The following CRADD variants were observed in gnomAD, a reference collection of about 807,000 sequenced individuals.
CRADD encodes the protein death domain-containing protein CRADD.
In CRADD, 9 loss-of-function variants were observed where a neutral mutation model predicts 15.5. The observed-to-expected ratio is 0.58, with a 90% confidence interval of 0.35 to 1.01. CRADD has a LOEUF of 1.01. Ranked by LOEUF, CRADD falls within the 50% of genes least tolerant of loss-of-function variation. The pLI, the probability that CRADD is intolerant of heterozygous loss-of-function variation, is 0.02. For synonymous variants in CRADD, 118 were observed against 107.6 expected (o/e 1.10, Z -0.60); for missense variants, 227 against 250.3 (o/e 0.91, Z 0.63).
intron 2 of CRADD, among the ~76,000 whole-genome samples, chr12:93,683,971 T>C (rs1406096737): frequency 6.6e-6 from 1 of 152,178 alleles, no homozygotes; most frequent in East Asian, 1.9e-4. Context: ...TCCTGTGTGC[T>C]AGAGTGAGAA....
chr12:93,766,889 A>G (rs1205476414), intron 2 of CRADD, among the ~76,000 whole-genome samples: 1 of 152,232 alleles, frequency 6.6e-6, no homozygotes, highest in Non-Finnish European at 1.5e-5. Flanking sequence ...TGTGTTGATT[A>G]AAGGAATGAA....
chr12:93,860,950 C>T (rs1417883842), intron 2 of CRADD, among the ~76,000 whole-genome samples: 2 of 152,212 alleles, frequency 1.3e-5, no homozygotes, highest in Non-Finnish European at 2.9e-5. Flanking sequence ...TCCTCTCCTC[C>T]CCTCGGAGCG....
intron 2 of CRADD, among the ~76,000 whole-genome samples, chr12:93,880,062 A>T (rs1172539079): frequency 6.6e-6 from 1 of 152,206 alleles, no homozygotes; most frequent in Non-Finnish European, 1.5e-5. Flanking sequence ...AGAATTATTT[A>T]TCCAGTAGGC....
intron 2 of CRADD, among the ~76,000 whole-genome samples, chr12:93,740,348 A>C (rs2136927521): frequency 6.6e-6 from 1 of 152,260 alleles, no homozygotes; most frequent in East Asian, 1.9e-4. Context: ...CATTTCAGTT[A>C]AGTTTGAAGA....
At chr12:93,759,086 T>G (rs1362319705) in intron 2 of CRADD, among the ~76,000 whole-genome samples, 1 of 152,234 alleles carries the variant, frequency 6.6e-6, no homozygotes, top group Admixed American at 6.5e-5. Context: ...AATGTTTTAT[T>G]ACTTTTGAAG....
downstream of CRADD, among the ~76,000 whole-genome samples, chr12:93,853,630 T>A (rs1235628658): frequency 1.3e-5 from 2 of 152,236 alleles, no homozygotes; most frequent in Non-Finnish European, 2.9e-5. Context: ...AAGCAAAGTT[T>A]AGCACAGTCT....
At chr12:93,844,562 C>A (rs1279804985) in intron 2 of CRADD, among the ~76,000 whole-genome samples, 1 of 152,114 alleles carries the variant, frequency 6.6e-6, no homozygotes, top group Non-Finnish European at 1.5e-5. Flanking sequence ...GGCTAAGTGA[C>A]CCTGAAAGTG....
intron 2 of CRADD, among the ~76,000 whole-genome samples, chr12:93,813,523 C>T (rs1957652571): frequency 6.6e-6 from 1 of 152,208 alleles, no homozygotes; most frequent in Non-Finnish European, 1.5e-5. Context: ...CTCACATTCA[C>T]ATTATATGTG....
intron 2 of CRADD, among the ~76,000 whole-genome samples, chr12:93,759,113 A>C (rs1956921867): frequency 6.6e-6 from 1 of 152,210 alleles, no homozygotes; most frequent in Non-Finnish European, 1.5e-5. Flanking sequence ...GGACCAGCAA[A>C]ATAGAGAAGT....
At chr12:93,682,653 A>G (rs977738601) in intron 2 of CRADD, among the ~76,000 whole-genome samples, 1 of 151,920 alleles carries the variant, frequency 6.6e-6, no homozygotes, top group African/African-American at 2.4e-5. Context: ...CTTTTTACTT[A>G]TGTGCTGGAT....
At chr12:93,857,885 G>A (rs1043552914) in intron 2 of CRADD, among the ~76,000 whole-genome samples, 2 of 152,220 alleles carry the variant, frequency 1.3e-5, no homozygotes, top group African/African-American at 4.8e-5. Flanking sequence ...GCACATTGGA[G>A]ATAGTTGATT....
intron 2 of CRADD, among the ~76,000 whole-genome samples, chr12:93,744,641 G>C (rs1956726347): frequency 6.6e-6 from 1 of 152,124 alleles, no homozygotes; most frequent in African/African-American, 2.4e-5. Flanking sequence ...GTACCACTTT[G>C]TTGTGATGGT....
intron 2 of CRADD, among the ~76,000 whole-genome samples, chr12:93,878,416 G>T (rs1958472076): frequency 6.6e-6 from 1 of 152,138 alleles, no homozygotes. Context: ...GAAGGAAGGG[G>T]TATCTTTTGG....
intron 2 of CRADD, among the ~76,000 whole-genome samples, chr12:93,847,743 T>C (rs954860976): frequency 2.0e-5 from 3 of 152,104 alleles, no homozygotes; most frequent in African/African-American, 7.2e-5. Context: ...ATAAAAATTA[T>C]GTAAGTGAAA....
chr12:93,823,319 G>C (rs1957789493), intron 2 of CRADD, among the ~76,000 whole-genome samples: 1 of 151,522 alleles, frequency 6.6e-6, no homozygotes, highest in South Asian at 2.1e-4. Context: ...AAAAAGAAGA[G>C]GAAGAAGAAT....
chr12:93,892,468 T>G (rs1274126098), intron 2 of CRADD, among the ~76,000 whole-genome samples: 1 of 152,210 alleles, frequency 6.6e-6, no homozygotes, highest in Non-Finnish European at 1.5e-5. Flanking sequence ...AACTGTGACG[T>G]AAGCATGTGA....
intron 2 of CRADD, among the ~76,000 whole-genome samples, chr12:93,710,982 G>C (rs915285539): frequency 6.6e-6 from 1 of 151,342 alleles, no homozygotes; most frequent in African/African-American, 2.4e-5. Context: ...TGAACATTTT[G>C]GGCTTTATTG....
chr12:93,807,642 A>AT (rs1324280956), intron 2 of CRADD, among the ~76,000 whole-genome samples: 1 of 152,086 alleles, frequency 6.6e-6, no homozygotes, highest in Non-Finnish European at 1.5e-5. Flanking sequence ...ATCTATGAGA[A>AT]TCTATGAGAG....
intron 2 of CRADD, among the ~76,000 whole-genome samples, chr12:93,871,570 C>T (rs1482684361): frequency 6.6e-6 from 1 of 152,134 alleles, no homozygotes; most frequent in East Asian, 1.9e-4. Flanking sequence ...CTCCCCACGA[C>T]CTTCCCAGCC....
Sources: allele counts gnomAD v4.1 joint callset (sites outside exome capture counted in the v4.1 genomes callset), GRCh38; gene constraint gnomAD v4.1.1; transcripts MANE v1.5; gene names NCBI Gene and HGNC (gene_info 2026-07-23, HGNC 2026-07-21).